The following VAT1 variants were observed in gnomAD, a reference collection of about 807,000 sequenced individuals.
The protein encoded by VAT1 is vesicle amine transport 1.
VAT1 carries 24 observed loss-of-function variants against 33.3 expected under a neutral mutation model. The observed-to-expected ratio is 0.72, with a 90% CI of 0.52 to 1.01. The LOEUF (loss-of-function observed/expected upper bound fraction) is 1.01. VAT1 is among the 50% of genes least tolerant of loss of function. VAT1 has a pLI of 0.00. For synonymous variants in VAT1, 212 were observed against 225.0 expected (o/e 0.94, Z 0.52); for missense variants, 436 against 533.7 (o/e 0.82, Z 1.80).
At chr17:43,019,221 C>G (rs548103798) in intron 1 of VAT1, among the ~76,000 whole-genome samples, 1 of 152,176 alleles carries the variant, frequency 6.6e-6, no homozygotes, top group South Asian at 2.1e-4. Context: ...GACTGTGTGA[C>G]TTCGGATGCA....
Position 43,018,220 on chromosome 17 carries a change from C to T in VAT1, c.596-14G>A. 6.2e-7 allele frequency: 1 copy of T among 1,600,610 alleles called. No homozygotes were observed. Among genetic ancestry groups the T allele is most frequent in the East Asian group, 2.2e-5 (1 of 44,550 alleles). On this transcript the variant is annotated splice_polypyrimidine_tract_variant and intron_variant, in intron 2 of 5. Coordinates refer to ENST00000355653, the MANE Select transcript of VAT1 (RefSeq NM_006373.4). The stretch of plus-strand genomic sequence containing the variant: ...TACCCACACCCCCTGCAGCAAGACA[C>T]CCATAAGCAGGGGATATGGAGTTGC...
At chr17:43,018,568 T>C in intron 2 of VAT1, 24 bp downstream of exon 2, 2 of 1,610,884 alleles carry the variant, frequency 1.2e-6, no homozygotes, top group Non-Finnish European at 1.7e-6. Flanking sequence ...GGGTAAGGGG[T>C]GATAAAGTGA....
chr17:43,021,625 T>TGGGGGGGGGG (rs2050569493), intron 1 of VAT1, among the ~76,000 whole-genome samples: 1 of 33,478 alleles, frequency 3.0e-5, no homozygotes, highest in Non-Finnish European at 5.7e-5. Flanking sequence ...GGGGGGGGGG[T>TGGGGGGGGGG]GGGGACGGTA....
chr17:43,018,531 G>A, intron 2 of VAT1, 61 bp downstream of exon 2: 1 of 1,576,878 alleles, frequency 6.3e-7, no homozygotes, highest in African/African-American at 1.3e-5. Flanking sequence ...AGGCTGCAGG[G>A]AAGGGGCCTG....
rs1445012512 is a variant in VAT1 at position 43,022,291 on chromosome 17, G to A, written c.32C>T (p.Ala11Val). The change falls in exon 1 of 6, where the codon GCG becomes GTG. Residue 11 changes from alanine to valine, a missense_variant. By Grantham distance (64) the Ala-to-Val change is moderately conservative. Around this residue, in one of 2 missense-constraint regions of VAT1, gnomAD observed 154 missense variants for 128.3 expected, o/e 1.20. Transcript: ENST00000355653. Reference sequence around the variant, plus strand: ...CGGCGAAGAGGCGTCTTCCCCGGTCGCTGCCTCGGCTACCTCTCTCTCGTC... The same window carrying A: ...CGGCGAAGAGGCGTCTTCCCCGGTCACTGCCTCGGCTACCTCTCTCTCGTC... MSDEREVAEA[A>V]TGEDASSPPP... is the part of the protein sequence containing the mutation. The A allele has an allele frequency of 6.3e-6, 10 of 1,585,194 alleles. No homozygotes were observed. Among genetic ancestry groups the A allele is most frequent in the South Asian group, 5.6e-5 (5 of 88,758 alleles).
At chr17:43,021,913 C>T (rs1466024201) in intron 1 of VAT1, 23 bp downstream of exon 1, 2 of 1,609,482 alleles carry the variant, frequency 1.2e-6, no homozygotes, top group South Asian at 2.2e-5. Context: ...GCAGCCCTGC[C>T]CTGCCCTACG....
At position 43,015,990 on chromosome 17, in the gene VAT1, C is replaced by T. The variant is rs1047583542; in HGVS notation, c.*71G>A. ...TTATGACAGAGGCTGAAATGCAAGT[C>T]TGGTGGCCAACAGAACGTAGCTTCC... On this transcript the variant is annotated 3_prime_UTR_variant, in exon 6 of 6. Transcript: ENST00000355653. 3 of 1,548,276 alleles carry T rather than the reference C, an allele frequency of 1.9e-6. No homozygotes were observed. The African/African-American group carries it at 4.1e-5, about 21-fold the overall frequency.
At chr17:43,020,648 T>C (rs892369334) in intron 1 of VAT1, among the ~76,000 whole-genome samples, 1 of 151,802 alleles carries the variant, frequency 6.6e-6, no homozygotes, top group African/African-American at 2.4e-5. Context: ...GAGGCCGAGG[T>C]GGGCAGATCA....
chr17:43,017,798 C>T (rs367851322), intron 4 of VAT1, 43 bp downstream of exon 4: 69 of 1,592,566 alleles, frequency 4.3e-5, no homozygotes, highest in Middle Eastern at 3.3e-4. Context: ...GACCCTCCCT[C>T]CTGCCCTCAC....
At chr17:43,017,321 G>A (rs970645658) in intron 4 of VAT1, among the ~76,000 whole-genome samples, 3 of 151,230 alleles carry the variant, frequency 2.0e-5, no homozygotes, top group East Asian at 4.0e-4. Flanking sequence ...GGTGGCTCAC[G>A]CCTATAATCC....
intron 4 of VAT1, among the ~76,000 whole-genome samples, chr17:43,017,536 C>A (rs1274864743): frequency 7.6e-6 from 1 of 131,372 alleles, no homozygotes; most frequent in African/African-American, 2.9e-5. Context: ...TGATCGAGAT[C>A]ATGCCATTGC....
intron 1 of VAT1, among the ~76,000 whole-genome samples, chr17:43,021,550 C>T (rs1002382287): frequency 7.2e-6 from 1 of 138,226 alleles, no homozygotes; most frequent in African/African-American, 2.7e-5. Context: ...CTCATAGTCA[C>T]AGACCACAAT....
intron 1 of VAT1, 150 bp downstream of exon 1, chr17:43,021,786 A>G: frequency 3.5e-6 from 5 of 1,438,310 alleles, no homozygotes; most frequent in Non-Finnish European, 3.6e-6. Flanking sequence ...GGAGCCCCCA[A>G]ACACAAGTTC....
Position 43,017,925 on chromosome 17 carries a change from C to T in VAT1, c.772G>A (p.Asp258Asn). 1.2e-6 allele frequency: 2 copies of T among 1,614,138 alleles called. No individual in the cohort carries two copies. Among genetic ancestry groups the T allele is most frequent in the Non-Finnish European group, 8.5e-7 (1 of 1,179,986 alleles). The change falls in exon 4 of 6, where the codon GAC becomes AAC. Residue 258 changes from aspartate (D) to asparagine (N), a missense_variant. Asp to Asn is a conservative substitution (Grantham distance 23, BLOSUM62 1). This residue lies in a region of VAT1 where 282 missense variants were observed against 405.4 expected (regional missense o/e 0.70). Transcript: ENST00000355653. ...EIKKISPKGV[D>N]IVMDPLGGSD... The stretch of plus-strand genomic sequence containing the variant: ...CCACCCAGAGGGTCCATGACAATGT[C>T]CACTCCTGTCATAGAGTAGGGGAAC...
chr17:43,022,095 G>C lies in VAT1; in HGVS notation c.228C>G (p.Pro76=), dbSNP rs769404871. The change falls in exon 1 of 6, where the codon CCC becomes CCG. Residue 76 remains proline, a synonymous_variant. Transcript: ENST00000355653. ...CCCGCAGACGCAGCGTCAGCTGGCC[G>C]GGCCCAGGGGCCGGGGGCGCTGCCG... is the stretch of plus-strand genomic sequence containing the variant. The part of the protein sequence containing the change: ...SRPAAPPAPG[P]GQLTLRLRAC... The C allele has an allele frequency of 2.5e-6, 4 of 1,579,626 alleles. No individual in the cohort carries two copies. Among genetic ancestry groups the C allele is most frequent in the Middle Eastern group, 2.0e-4 (1 of 5,102 alleles).
rs1484903343 is a variant in VAT1, at chr17:43,018,155, G to A, written c.647C>T (p.Thr216Ile). ...VQLCRTVENV[T>I]VFGTASASKH... is the part of the protein sequence containing the mutation. The stretch of plus-strand genomic sequence containing the variant: ...GCTGGCCGAGGCCGTTCCGAACACT[G>A]TCACATTCTCCACTGTACGGCACAG... Residue 216 changes from threonine to isoleucine, a missense_variant, in exon 3 of 6, where the codon ACA (threonine) becomes ATA (isoleucine). Physicochemically the swap from Thr to Ile is moderately conservative, Grantham distance 89. Coordinates refer to ENST00000355653, the MANE Select transcript of VAT1 (RefSeq NM_006373.4). 5.6e-6 allele frequency: 9 copies of A among 1,613,908 alleles called. No individual in the cohort carries two copies. Among genetic ancestry groups the A allele is most frequent in the Non-Finnish European group, 7.6e-6 (9 of 1,180,052 alleles).
intron 1 of VAT1, 21 bp downstream of exon 1, chr17:43,021,915 T>C (rs2050572585): frequency 6.2e-7 from 1 of 1,609,502 alleles, no homozygotes; most frequent in Non-Finnish European, 8.5e-7. Context: ...AGCCCTGCCC[T>C]GCCCTACGCA....
At chr17:43,018,523 G>A (rs1567746676) in intron 2 of VAT1, 69 bp downstream of exon 2, 3 of 1,547,670 alleles carry the variant, frequency 1.9e-6, no homozygotes, top group South Asian at 2.3e-5. Context: ...ACCCAGACAG[G>A]CTGCAGGGAA....
chr17:43,019,339 T>C (rs2050546604), intron 1 of VAT1: 1 of 154,378 alleles, frequency 6.5e-6, no homozygotes, highest in Admixed American at 6.4e-5. Context: ...GCACAATGTC[T>C]GGCACATAAT....
Sources: allele counts gnomAD v4.1 joint callset (sites outside exome capture counted in the v4.1 genomes callset), GRCh38; gene constraint gnomAD v4.1.1; regional missense constraint gnomAD v4.1.1; transcripts MANE v1.5; gene names NCBI Gene and HGNC (gene_info 2026-07-23, HGNC 2026-07-21).